The following TMEFF1 variants were observed in gnomAD, a reference collection of about 807,000 sequenced individuals.
TMEFF1 encodes the protein transmembrane protein with EGF like and two follistatin like domains 1, also known as tomoregulin-1.
Under a neutral mutation model 47.5 loss-of-function variants are expected in TMEFF1, and 20 were observed. That is an observed-to-expected ratio of 0.42 (90% CI 0.30 to 0.61). TMEFF1 has a LOEUF of 0.61. TMEFF1 is among the 20% of genes least tolerant of loss of function. TMEFF1 has a pLI of 0.19. For synonymous variants in TMEFF1, 162 were observed against 166.3 expected (o/e 0.97, Z 0.20); for missense variants, 411 against 471.1 (o/e 0.87, Z 1.18).
chr9:100,473,794 C>A lies in TMEFF1; in HGVS notation c.196+54C>A. The A allele has an allele frequency of 7.1e-7, 1 of 1,412,024 alleles. No homozygotes were observed. Among genetic ancestry groups the A allele is most frequent in the Non-Finnish European group, 9.3e-7 (1 of 1,075,240 alleles). 87.5% of individuals were successfully genotyped at this position (1,412,024 alleles called of 1,614,324 possible). ...CTTCCCACCCCTCCGTTGCCGCCTCCCTCGTGGTCCCTGCGGTCGGCCGGG... is the reference window on the plus strand; with the variant it reads ...CTTCCCACCCCTCCGTTGCCGCCTCACTCGTGGTCCCTGCGGTCGGCCGGG... On this transcript the variant is annotated intron_variant, in intron 1 of 9. Coordinates refer to ENST00000374879, the MANE Select transcript of TMEFF1 (RefSeq NM_003692.5). This position sits in a 1 kb window ranked among gnomAD's most constrained non-coding sequence, Gnocchi z 5.4.
At chr9:100,543,005 C>T (rs1302415927) in intron 5 of TMEFF1, among the ~76,000 whole-genome samples, 7 of 149,590 alleles carry the variant, frequency 4.7e-5, no homozygotes, top group South Asian at 2.1e-4. Flanking sequence ...CTTGGCTCAG[C>T]GCAACCTCCG....
intron 8 of TMEFF1, among the ~76,000 whole-genome samples, chr9:100,571,205 A>ATGTTC (rs1839232314): frequency 2.6e-5 from 4 of 152,198 alleles, no homozygotes; most frequent in Admixed American, 6.6e-5. Flanking sequence ...AGAGGACTGT[A>ATGTTC]AATGTTTATA....
At chr9:100,510,042 T>C (rs1189989307) in intron 3 of TMEFF1, among the ~76,000 whole-genome samples, 2 of 152,182 alleles carry the variant, frequency 1.3e-5, no homozygotes, top group East Asian at 3.9e-4. Flanking sequence ...GTGAAGGCCA[T>C]TCTTAGGGGA....
intron 7 of TMEFF1, among the ~76,000 whole-genome samples, chr9:100,552,019 A>G (rs939536707): frequency 6.6e-6 from 1 of 152,184 alleles, no homozygotes; most frequent in Non-Finnish European, 1.5e-5. Flanking sequence ...AGATATGCAC[A>G]CAATGTTATG....
intron 5 of TMEFF1, among the ~76,000 whole-genome samples, chr9:100,533,205 A>G (rs901730852): frequency 6.6e-6 from 1 of 151,960 alleles, no homozygotes; most frequent in Admixed American, 6.6e-5. Flanking sequence ...AACCTGCACA[A>G]TGTGCACATG....
chr9:100,490,535 C>T (rs1237651264), intron 1 of TMEFF1, among the ~76,000 whole-genome samples: 1 of 152,096 alleles, frequency 6.6e-6, no homozygotes, highest in Non-Finnish European at 1.5e-5. Flanking sequence ...TTGTTTTAGG[C>T]ACGATTGCTT....
intron 2 of TMEFF1, among the ~76,000 whole-genome samples, chr9:100,502,069 A>G (rs1425817692): frequency 6.6e-6 from 1 of 152,244 alleles, no homozygotes; most frequent in Non-Finnish European, 1.5e-5. Flanking sequence ...AACATCTGTT[A>G]CTTCTTGCAT....
chr9:100,527,780 TG>T (rs1838292451), intron 5 of TMEFF1, among the ~76,000 whole-genome samples: 1 of 152,210 alleles, frequency 6.6e-6, no homozygotes, highest in Non-Finnish European at 1.5e-5. Context: ...GCTCCACCTC[TG>T]GGGGCAGGGC....
At chr9:100,560,475 A>G (rs1838995309) in intron 7 of TMEFF1, among the ~76,000 whole-genome samples, 1 of 152,172 alleles carries the variant, frequency 6.6e-6, no homozygotes, top group Non-Finnish European at 1.5e-5. Flanking sequence ...GCTTAGGATT[A>G]ATGTATTGGT....
At chr9:100,525,099 T>C (rs957021562) in intron 5 of TMEFF1, among the ~76,000 whole-genome samples, 2 of 152,198 alleles carry the variant, frequency 1.3e-5, no homozygotes, top group Non-Finnish European at 2.9e-5. Flanking sequence ...CATTGTGGAC[T>C]GATTGCCCTC....
At chr9:100,492,554 GAC>G (rs1423196960) in intron 1 of TMEFF1, among the ~76,000 whole-genome samples, 3 of 152,320 alleles carry the variant, frequency 2.0e-5, no homozygotes, top group East Asian at 3.9e-4. Flanking sequence ...TATAGAGAAT[GAC>G]ACACTTTGGT....
chr9:100,517,042 G>C (rs1838087853), intron 5 of TMEFF1, among the ~76,000 whole-genome samples: 2 of 152,014 alleles, frequency 1.3e-5, no homozygotes, highest in South Asian at 4.1e-4. Context: ...ATAGTTTTAT[G>C]TATTTTATAC....
At chr9:100,571,706 T>C (rs772274017) in intron 8 of TMEFF1, among the ~76,000 whole-genome samples, 21 of 152,218 alleles carry the variant, frequency 1.4e-4, no homozygotes, top group Non-Finnish European at 2.8e-4. Flanking sequence ...GTGCACTTTA[T>C]TTCTATTATT....
chr9:100,545,618 T>C (rs1017965559), intron 5 of TMEFF1, among the ~76,000 whole-genome samples: 18 of 152,264 alleles, frequency 1.2e-4, no homozygotes, highest in Admixed American at 8.5e-4. Context: ...TTGTAACTTA[T>C]GCAAATTTCT....
intron 5 of TMEFF1, among the ~76,000 whole-genome samples, chr9:100,532,788 C>T (rs1041974005): frequency 1.1e-4 from 16 of 152,108 alleles, no homozygotes; most frequent in East Asian, 1.9e-4. Flanking sequence ...CACATGCACA[C>T]GTATGTTTAT....
At chr9:100,490,275 CT>C (rs1204047893) in intron 1 of TMEFF1, among the ~76,000 whole-genome samples, 1 of 152,128 alleles carries the variant, frequency 6.6e-6, no homozygotes, top group African/African-American at 2.4e-5. Context: ...GGTAAAGTTT[CT>C]TTTTCCTCCT....
chr9:100,563,234 T>G (rs1230233323), intron 8 of TMEFF1, among the ~76,000 whole-genome samples: 1 of 152,258 alleles, frequency 6.6e-6, no homozygotes, highest in Non-Finnish European at 1.5e-5. Flanking sequence ...ATTACAGGTG[T>G]GAGCCATTGC....
At chr9:100,573,316 C>A (rs1273302252) in intron 9 of TMEFF1, among the ~76,000 whole-genome samples, 1 of 152,134 alleles carries the variant, frequency 6.6e-6, no homozygotes. Context: ...AACATTACTT[C>A]ATTTTCAGGA....
intron 5 of TMEFF1, among the ~76,000 whole-genome samples, chr9:100,536,919 T>C (rs1838522814): frequency 1.3e-5 from 2 of 152,224 alleles, no homozygotes; most frequent in South Asian, 4.1e-4. Flanking sequence ...GACATATGGC[T>C]ATGTTTATTT....
Sources: allele counts gnomAD v4.1 joint callset (sites outside exome capture counted in the v4.1 genomes callset), GRCh38; gene constraint gnomAD v4.1.1; non-coding constraint Gnocchi (gnomAD v3.1); transcripts MANE v1.5; gene names NCBI Gene and HGNC (gene_info 2026-07-23, HGNC 2026-07-21).